Variants in PCDHGC4 observed in about 807,000 individuals in gnomAD.
The protein encoded by PCDHGC4 is protocadherin gamma-C4.
Under a neutral mutation model 59.7 loss-of-function variants are expected in PCDHGC4, and 15 were observed. That is an observed-to-expected ratio of 0.25 (90% CI 0.17 to 0.39). The LOEUF is 0.39. Ranked by LOEUF, PCDHGC4 falls within the 10% of genes least tolerant of loss-of-function variation. PCDHGC4 has a pLI of 1.00. For synonymous variants in PCDHGC4, 434 were observed against 481.4 expected (o/e 0.90, Z 1.29); for missense variants, 1,016 against 1,189.5 (o/e 0.85, Z 2.15).
chr5:141,508,077 G>T (rs1166570509), intron 3 of PCDHGC4: 1 of 152,446 alleles, frequency 6.6e-6, no homozygotes, highest in Non-Finnish European at 1.5e-5. Context: ...GGCTACTCTG[G>T]AGTTGCTGCC....
intron 3 of PCDHGC4, among the ~76,000 whole-genome samples, chr5:141,506,925 A>G (rs1287267937): frequency 1.3e-5 from 2 of 152,152 alleles, no homozygotes; most frequent in African/African-American, 4.8e-5. Context: ...ATACTAAACA[A>G]ACTTTAGGGG....
In PCDHGC4 at chr5:141,494,676, C is replaced by T. The variant is rs2099755997; in HGVS notation, c.2443-131C>T. On this transcript the variant is annotated intron_variant, in intron 1 of 3. Transcript: ENST00000306593. ...TTTGTCTTTGGAGATGAGTCCACCCCTGCCCCCTCTTAGTCCGTTTTCTTC... is the reference window on the plus strand; with the variant it reads ...TTTGTCTTTGGAGATGAGTCCACCCTTGCCCCCTCTTAGTCCGTTTTCTTC... 1.7e-5 allele frequency: 26 copies of T among 1,550,800 alleles called. No individual in the cohort carries two copies. In the South Asian group the frequency reaches 3.0e-4, roughly 18 times the overall value.
rs528779386 is a variant in PCDHGC4, at chr5:141,509,416, C to T, written c.2591-1531C>T. Among the ~76,000 whole-genome samples, 4 of 152,258 alleles carry T rather than the reference C, an allele frequency of 2.6e-5. No individual in the cohort carries two copies. In the East Asian group the frequency reaches 7.7e-4, roughly 29 times the overall value. ...TCTCAGGGCCTCCAGCAGCGAGCCCCAATGAGTCAAACTCTTGTTTCCTCC... is the reference window on the plus strand; with the variant it reads ...TCTCAGGGCCTCCAGCAGCGAGCCCTAATGAGTCAAACTCTTGTTTCCTCC... On this transcript the variant is annotated intron_variant, in intron 3 of 3. Transcript: ENST00000306593.
rs769153122 is a variant in PCDHGC4 at position 141,485,243 on chromosome 5, C to T, written c.70C>T (p.Leu24=). 8 of 1,614,062 alleles carry T rather than the reference C, an allele frequency of 5.0e-6. No homozygotes were observed. In the Admixed American group the frequency reaches 1.2e-4, roughly 24 times the overall value. ...TACCCTTTTGTTCCTCTTTTACCACCTGGGTTACGTTTGTGGGCAGATCCG... is the reference window on the plus strand; with the variant it reads ...TACCCTTTTGTTCCTCTTTTACCACTTGGGTTACGTTTGTGGGCAGATCCG... ...WATLLFLFYH[L]GYVCGQIRYP... is the part of the protein sequence containing the mutation. Residue 24 remains leucine (L), a synonymous_variant, in exon 1 of 4, where the codon CTG becomes TTG. Transcript: ENST00000306593. The surrounding 1 kb of genome is among the most constrained non-coding windows in gnomAD (Gnocchi z 5.7).
At position 141,510,947 on chromosome 5, in the gene PCDHGC4, A is replaced by C; in HGVS notation, c.2591A>C (p.Glu864Ala). Residue 864 changes from glutamate to alanine, a missense_variant and splice_region_variant, in exon 4 of 4, where the codon GAA (glutamate) becomes GCA (alanine). By Grantham distance (107) the Glu-to-Ala change is moderately radical. Transcript: ENST00000306593. ...ACCTGATCTTCCTCTGTCTCTGCAG[A>C]AGCTGCTGATGGGAGCTCCACCCTG... ...LQAMILASAS[E>A]AADGSSTLGG... The C allele has an allele frequency of 6.2e-7, 1 of 1,614,084 alleles. No individual in the cohort carries two copies. Among genetic ancestry groups the C allele is most frequent in the Non-Finnish European group, 8.5e-7 (1 of 1,180,000 alleles).
In PCDHGC4 at chr5:141,493,364, TTGGAAC is replaced by T. The variant is rs1405602213; in HGVS notation, c.2443-1441_2443-1436del. Among the ~76,000 whole-genome samples, 1 of 152,184 alleles carries T rather than the reference TTGGAAC, an allele frequency of 6.6e-6. No homozygotes were observed. Among genetic ancestry groups the T allele is most frequent in the South Asian group, 2.1e-4 (1 of 4,824 alleles). On this transcript the variant is annotated intron_variant, in intron 1 of 3. Coordinates refer to ENST00000306593, the MANE Select transcript of PCDHGC4 (RefSeq NM_018928.3). The surrounding 1 kb of genome is among the most constrained non-coding windows in gnomAD (Gnocchi z 4.3). Reference sequence around the variant, plus strand: ...ATGTGTGCTTTTAATTTCTTGGCACTTGGAACTTTAAAAGCTTGAGGACAGGAGAGG... The same window carrying T: ...ATGTGTGCTTTTAATTTCTTGGCACTTTTAAAAGCTTGAGGACAGGAGAGG...
At chr5:141,502,552 T>C (rs1217408446) in intron 2 of PCDHGC4, among the ~76,000 whole-genome samples, 1 of 152,146 alleles carries the variant, frequency 6.6e-6, no homozygotes, top group Non-Finnish European at 1.5e-5. Context: ...AAAAACAGTG[T>C]CCCAGATCTC....
chr5:141,491,869 G>C lies in PCDHGC4; in HGVS notation c.2443-2938G>C. On this transcript the variant is annotated intron_variant, in intron 1 of 3. Transcript: ENST00000306593. This position sits in a 1 kb window ranked among gnomAD's most constrained non-coding sequence, Gnocchi z 6.9. ...GGACCGTTTGCGCGAAACCAGAGTG[G>C]CCGATTAAGGGATGGGGCTCCGAGC... The C allele has an allele frequency of 6.9e-7, 1 of 1,453,094 alleles. No homozygotes were observed. Among genetic ancestry groups the C allele is most frequent in the South Asian group, 1.5e-5 (1 of 68,080 alleles). 90.0% of individuals were successfully genotyped at this position (1,453,094 alleles called of 1,614,324 possible).
Position 141,490,563 on chromosome 5 carries a change from G to C in PCDHGC4, c.2442+2948G>C. On this transcript the variant is annotated intron_variant, in intron 1 of 3. Coordinates refer to ENST00000306593, the MANE Select transcript of PCDHGC4 (RefSeq NM_018928.3). This position sits in a 1 kb window ranked among gnomAD's most constrained non-coding sequence, Gnocchi z 5.4. ...CCCTACACAAACATCTCACCATCAG[G>C]CTCAACATTTCAGATGTCAATGACA... 1 of 1,614,022 alleles carries C rather than the reference G, an allele frequency of 6.2e-7. No individual in the cohort carries two copies. Among genetic ancestry groups the C allele is most frequent in the Non-Finnish European group, 8.5e-7 (1 of 1,180,008 alleles).
At position 141,490,293 on chromosome 5, in the gene PCDHGC4, ATTG is replaced by A; in HGVS notation, c.2442+2679_2442+2681del. The A allele has an allele frequency of 1.9e-6, 3 of 1,614,190 alleles. No individual in the cohort carries two copies. Among genetic ancestry groups the A allele is most frequent in the Non-Finnish European group, 2.5e-6 (3 of 1,180,028 alleles). On this transcript the variant is annotated intron_variant, in intron 1 of 3. Coordinates refer to ENST00000306593, the MANE Select transcript of PCDHGC4 (RefSeq NM_018928.3). The surrounding 1 kb of genome is among the most constrained non-coding windows in gnomAD (Gnocchi z 5.4). ...TCAATGACAATGCCCCAGAGGTGCTATTGGCCTCTTTGGCCAACCCTGTCCTAG... is the reference window on the plus strand; with the variant it reads ...TCAATGACAATGCCCCAGAGGTGCTAGCCTCTTTGGCCAACCCTGTCCTAG...
rs1349935659 is a variant in PCDHGC4 at position 141,507,722 on chromosome 5, A to C, written c.2590+2241A>C. 6.6e-5 allele frequency among the ~76,000 whole-genome samples: 10 copies of C among 152,354 alleles called. No homozygotes were observed. In the East Asian group the frequency reaches 1.9e-3, roughly 29 times the overall value. ...ATTTATGGCCCCAAACCCTCCAAGC[A>C]AGTCATGCAGCTCGTTCCCCTGTCA... On this transcript the variant is annotated intron_variant, in intron 3 of 3. Coordinates refer to ENST00000306593, the MANE Select transcript of PCDHGC4 (RefSeq NM_018928.3).
At chr5:141,502,494 A>G (rs928571740) in intron 2 of PCDHGC4, among the ~76,000 whole-genome samples, 2 of 152,180 alleles carry the variant, frequency 1.3e-5, no homozygotes, top group South Asian at 2.1e-4. Context: ...GGACTCATCT[A>G]ACGTCGGCCT....
In PCDHGC4 at chr5:141,505,363, T is replaced by C. The variant is rs751635403; in HGVS notation, c.2502-30T>C. 1.6e-5 allele frequency: 26 copies of C among 1,613,242 alleles called. No individual in the cohort carries two copies. In the Middle Eastern group the frequency reaches 9.9e-4, roughly 61 times the overall value. On this transcript the variant is annotated intron_variant, in intron 2 of 3. Transcript: ENST00000306593. ...GGCATGAGCTGTGCCGGCCTGGGAG[T>C]CTGTGCTCACCATCCTACTCTCTCC... is the stretch of plus-strand genomic sequence containing the variant.
chr5:141,504,755 T>A (rs953075905), intron 2 of PCDHGC4, among the ~76,000 whole-genome samples: 13 of 151,824 alleles, frequency 8.6e-5, no homozygotes, highest in Non-Finnish European at 1.5e-5. Flanking sequence ...ATTTTAGAAA[T>A]TTCTTCTCCC....
Position 141,506,991 on chromosome 5 carries a change from C to T in PCDHGC4, c.2590+1510C>T, listed in dbSNP as rs190455068. 3 of 152,366 alleles carry T rather than the reference C, an allele frequency of 2.0e-5. No homozygotes were observed. In the East Asian group the frequency reaches 5.8e-4, roughly 29 times the overall value. The allele number at this position is 152,366 out of a possible 1,614,324, so 9.4% of individuals were successfully genotyped here. A position where few individuals can be genotyped will look rare whatever the true frequency, so the allele number is the denominator to read the frequency against. The stretch of plus-strand genomic sequence containing the variant: ...TGCAAGGCAGGTCTGATTTCTCACA[C>T]TCGACAGATGAGAGAACCGAGAAGG... On this transcript the variant is annotated intron_variant, in intron 3 of 3. Coordinates refer to ENST00000306593, the MANE Select transcript of PCDHGC4 (RefSeq NM_018928.3).
At chr5:141,499,726 ACT>A (rs1368224475) in intron 2 of PCDHGC4, among the ~76,000 whole-genome samples, 1 of 128,608 alleles carries the variant, frequency 7.8e-6, no homozygotes, top group African/African-American at 3.0e-5. Flanking sequence ...ACAGAGTCTC[ACT>A]CTCTTGCCCA....
At chr5:141,495,480 C>A (rs2099761689) in intron 2 of PCDHGC4, among the ~76,000 whole-genome samples, 1 of 152,208 alleles carries the variant, frequency 6.6e-6, no homozygotes, top group African/African-American at 2.4e-5. Flanking sequence ...CGTGTCTCTG[C>A]CCCTTTTTCT....
At chr5:141,499,356 C>A (rs1472104991) in intron 2 of PCDHGC4, among the ~76,000 whole-genome samples, 1 of 152,062 alleles carries the variant, frequency 6.6e-6, no homozygotes, top group Non-Finnish European at 1.5e-5. Context: ...ATTCAACAAA[C>A]AAATAGCAAC....
rs961341807 is a variant in PCDHGC4 at position 141,486,262 on chromosome 5, A to G, written c.1089A>G (p.Ala363=). The G allele has an allele frequency of 6.2e-6, 10 of 1,613,912 alleles. No individual in the cohort carries two copies. Among genetic ancestry groups the G allele is most frequent in the Non-Finnish European group, 8.5e-6 (10 of 1,179,986 alleles). Residue 363 remains alanine, a synonymous_variant, in exon 1 of 4, where the codon GCA becomes GCG. Transcript: ENST00000306593. This position sits in a 1 kb window ranked among gnomAD's most constrained non-coding sequence, Gnocchi z 5.0. ...TSELGTLPES[A]EPGTVVALIS... is the part of the protein sequence containing the mutation. ...AGCTTGGAACCCTCCCCGAGAGTGC[A>G]GAACCTGGCACTGTGGTGGCACTTA...
Sources: gnomAD v4.1 joint callset for allele counts (sites outside exome capture counted in the v4.1 genomes callset) on GRCh38, gnomAD v4.1.1 for gene constraint, Gnocchi (gnomAD v3.1) non-coding constraint, MANE v1.5 for transcripts, NCBI Gene and HGNC (gene_info 2026-07-23, HGNC 2026-07-21) for gene names.